UBE2R2: variants seen among roughly 807,000 people sequenced by gnomAD.
UBE2R2 encodes the protein ubiquitin conjugating enzyme E2 R2, also known as ubiquitin-conjugating enzyme E2 R2.
UBE2R2 carries 1 observed loss-of-function variant against 27.8 expected under a neutral mutation model. The observed-to-expected ratio is 0.04, with a 90% CI of 0.01 to 0.17. UBE2R2 has a LOEUF of 0.17. Among genes scored for constraint, UBE2R2 ranks in the 10% least tolerant of loss-of-function variants. The pLI is 1.00. For synonymous variants in UBE2R2, 106 were observed against 113.3 expected (o/e 0.94, Z 0.41); for missense variants, 100 against 291.0 (o/e 0.34, Z 4.78).
chr9:33,855,472 T>C (rs1053949327), intron 1 of UBE2R2, among the ~76,000 whole-genome samples: 3 of 152,220 alleles, frequency 2.0e-5, no homozygotes, highest in Non-Finnish European at 2.9e-5. Flanking sequence ...AGTTTGTTTT[T>C]CCTGGGGTTT....
chr9:33,875,046 C>T (rs902247727), intron 1 of UBE2R2, among the ~76,000 whole-genome samples: 1 of 150,816 alleles, frequency 6.6e-6, no homozygotes, highest in African/African-American at 2.4e-5. Flanking sequence ...AACTCCTGAC[C>T]TTGTGATCCA....
chr9:33,827,369 C>A (rs988659857), intron 1 of UBE2R2, among the ~76,000 whole-genome samples: 3 of 151,910 alleles, frequency 2.0e-5, no homozygotes, highest in Non-Finnish European at 4.4e-5. Flanking sequence ...GGCTGGGCAC[C>A]GTGGCTCACG....
intron 1 of UBE2R2, among the ~76,000 whole-genome samples, chr9:33,847,815 T>A (rs1820880410): frequency 6.7e-6 from 1 of 148,608 alleles, no homozygotes; most frequent in Non-Finnish European, 1.5e-5. Context: ...TGCAATGACG[T>A]GATCTTGGCT....
intron 3 of UBE2R2, among the ~76,000 whole-genome samples, chr9:33,906,079 T>TTTG (rs946800085): frequency 8.6e-5 from 13 of 151,506 alleles, no homozygotes; most frequent in African/African-American, 2.7e-4. Flanking sequence ...AAGTTCAGGT[T>TTTG]TTGTTGTTGT....
chr9:33,842,714 A>G (rs973642415), intron 1 of UBE2R2, among the ~76,000 whole-genome samples: 3 of 152,084 alleles, frequency 2.0e-5, no homozygotes, highest in Non-Finnish European at 2.9e-5. Flanking sequence ...TTCTCTTGAT[A>G]TTTGCTTTTT....
intron 1 of UBE2R2, among the ~76,000 whole-genome samples, chr9:33,843,315 C>G (rs1820771171): frequency 6.6e-6 from 1 of 151,532 alleles, no homozygotes; most frequent in East Asian, 1.9e-4. Flanking sequence ...TTGCAAAGTG[C>G]TGGGATTACA....
chr9:33,850,552 A>C (rs1009460680), intron 1 of UBE2R2, among the ~76,000 whole-genome samples: 1 of 152,106 alleles, frequency 6.6e-6, no homozygotes. Context: ...CTTATGGCTG[A>C]TAACTGACTT....
At chr9:33,828,087 G>A (rs904223914) in intron 1 of UBE2R2, among the ~76,000 whole-genome samples, 3 of 151,938 alleles carry the variant, frequency 2.0e-5, no homozygotes, top group Admixed American at 2.0e-4. Flanking sequence ...CGGCTCACCT[G>A]AGGTCAGGAG....
chr9:33,859,827 G>A (rs1193205926), intron 1 of UBE2R2, among the ~76,000 whole-genome samples: 1 of 138,202 alleles, frequency 7.2e-6, no homozygotes, highest in Non-Finnish European at 1.6e-5. Context: ...AGAGAGACAG[G>A]ATCTCTCTCT....
chr9:33,899,020 A>G (rs1822186660), intron 2 of UBE2R2, among the ~76,000 whole-genome samples: 1 of 152,288 alleles, frequency 6.6e-6, no homozygotes, highest in Admixed American at 6.5e-5. Flanking sequence ...GGATGTTAAC[A>G]TTTGCTGCGA....
At chr9:33,854,717 A>ATTT (rs60300328) in intron 1 of UBE2R2, among the ~76,000 whole-genome samples, 34 of 138,656 alleles carry the variant, frequency 2.5e-4, no homozygotes, top group African/African-American at 2.7e-4. Context: ...TGCAAGTGCA[A>ATTT]TTTTTTTTTT....
Position 33,917,434 on chromosome 9 carries a change from C to T in UBE2R2, c.*197C>T. ...CTTTAATGGAGAGAGAGTAACCCTC[C>T]ACAGAATGTCTGAATTCTTGCATTC... On this transcript the variant is annotated 3_prime_UTR_variant, in exon 5 of 5. Coordinates refer to ENST00000263228, the MANE Select transcript of UBE2R2 (RefSeq NM_017811.4). The T allele has an allele frequency of 2.8e-6, 2 of 719,764 alleles. No individual in the cohort carries two copies. The highest frequency in any genetic ancestry group is 4.0e-4 in the Middle Eastern group (1 of 2,496). The allele number at this position is 719,764 out of a possible 1,614,324, so 44.6% of individuals were successfully genotyped here.
chr9:33,913,582 A>G lies in UBE2R2; in HGVS notation c.497+1484A>G, dbSNP rs561777562. On this transcript the variant is annotated intron_variant, in intron 4 of 4. Coordinates refer to ENST00000263228, the MANE Select transcript of UBE2R2 (RefSeq NM_017811.4). ...TGGCCTCCACCCCCCTTGATATTAC[A>G]TTTTTATTTCTTAAAATAGAGACCC... Among the ~76,000 whole-genome samples the G allele has an allele frequency of 2.0e-4, 30 of 152,216 alleles. No homozygotes were observed. In the South Asian group the frequency reaches 6.0e-3, roughly 31 times the overall value.
intron 3 of UBE2R2, among the ~76,000 whole-genome samples, chr9:33,911,404 A>AAC: frequency 2.2e-5 from 1 of 46,132 alleles, no homozygotes; most frequent in Non-Finnish European, 4.1e-5. Flanking sequence ...CTCCATCTCA[A>AAC]AAAAAAAAAA....
chr9:33,878,241 T>A (rs1054596583), intron 1 of UBE2R2, among the ~76,000 whole-genome samples: 3 of 152,202 alleles, frequency 2.0e-5, no homozygotes, highest in African/African-American at 7.2e-5. Flanking sequence ...CTGTAATCTG[T>A]CCAGGAGAAC....
chr9:33,860,644 A>G (rs1249378629), intron 1 of UBE2R2, among the ~76,000 whole-genome samples: 2 of 152,138 alleles, frequency 1.3e-5, no homozygotes, highest in African/African-American at 4.8e-5. Flanking sequence ...TCACACCTGT[A>G]ATCCCACCAA....
At chr9:33,820,284 G>GT (rs1336437775) in intron 1 of UBE2R2, among the ~76,000 whole-genome samples, 1 of 152,180 alleles carries the variant, frequency 6.6e-6, no homozygotes, top group African/African-American at 2.4e-5. Context: ...TTCAGTCCTT[G>GT]TTTAAAAGAA....
chr9:33,895,018 G>A (rs1822070530), intron 2 of UBE2R2, among the ~76,000 whole-genome samples: 1 of 152,136 alleles, frequency 6.6e-6, no homozygotes, highest in Admixed American at 6.5e-5. Flanking sequence ...TATTGAAATG[G>A]ATATCTTTTT....
intron 1 of UBE2R2, among the ~76,000 whole-genome samples, chr9:33,862,357 A>G (rs1213295787): frequency 6.6e-6 from 1 of 152,098 alleles, no homozygotes; most frequent in South Asian, 2.1e-4. Context: ...TTCTTTCGTT[A>G]TGTTAGCCGC....
Sources: gnomAD v4.1 joint callset for allele counts (sites outside exome capture counted in the v4.1 genomes callset) on GRCh38, gnomAD v4.1.1 for gene constraint, MANE v1.5 for transcripts, NCBI Gene and HGNC (gene_info 2026-07-23, HGNC 2026-07-21) for gene names.